ACSF3: variants seen among roughly 807,000 people sequenced by gnomAD.
ACSF3 encodes malonate--CoA ligase ACSF3, mitochondrial.
A neutral mutation model predicts 53.2 loss-of-function variants in ACSF3; 78 were observed. The observed-to-expected ratio is 1.47, with a 90% CI of 1.22 to 1.77. The LOEUF is 1.77. Ranked by LOEUF, ACSF3 falls within the 40% of genes most tolerant of loss-of-function variation. The probability of loss-of-function intolerance (pLI) is 0.00; values close to 1 mark genes in which losing one functional copy is unlikely to be tolerated. For synonymous variants in ACSF3, 414 were observed against 333.1 expected (o/e 1.24, Z -2.65); for missense variants, 937 against 771.1 (o/e 1.22, Z -2.55).
At chr16:89,110,471 T>G (rs1435471965) in intron 4 of ACSF3, among the ~76,000 whole-genome samples, 1 of 152,240 alleles carries the variant, frequency 6.6e-6, no homozygotes, top group Non-Finnish European at 1.5e-5. Flanking sequence ...CAGATATCTG[T>G]GCATTCGTTT....
intron 7 of ACSF3, among the ~76,000 whole-genome samples, chr16:89,132,017 G>A (rs1450034908): frequency 6.6e-6 from 1 of 152,212 alleles, no homozygotes; most frequent in East Asian, 1.9e-4. Flanking sequence ...CCCGTGGGTG[G>A]CGTCAGCCCC....
Position 89,155,861 on chromosome 16 carries a change from C to A in ACSF3, c.*1654C>A. 1 of 428,126 alleles carries A rather than the reference C, an allele frequency of 2.3e-6. No homozygotes were observed. The highest frequency in any genetic ancestry group is 7.1e-5 in the East Asian group (1 of 14,184). The allele number at this position is 428,126 out of a possible 1,614,324, so 26.5% of individuals were successfully genotyped here. On this transcript the variant is annotated 3_prime_UTR_variant, in exon 11 of 11. Transcript: ENST00000614302. ...TATCCGATAGTATACATCAGTATAT[C>A]ATGCTTTCGAAATAATGAGTGTAAC...
intron 5 of ACSF3, chr16:89,113,970 G>C: frequency 2.8e-6 from 1 of 359,478 alleles, no homozygotes; most frequent in Non-Finnish European, 5.5e-6. Context: ...CCCGTGATCA[G>C]CTCCGTGGTC....
intron 7 of ACSF3, among the ~76,000 whole-genome samples, chr16:89,131,723 C>T (rs897202839): frequency 2.6e-5 from 4 of 152,384 alleles, no homozygotes; most frequent in African/African-American, 2.4e-5. Flanking sequence ...GCTGTCTCTA[C>T]ATGTCCCACA....
At chr16:89,124,752 C>T (rs1037357915) in intron 7 of ACSF3, among the ~76,000 whole-genome samples, 1 of 151,538 alleles carries the variant, frequency 6.6e-6, no homozygotes, top group Non-Finnish European at 1.5e-5. Flanking sequence ...CTGTGTGCAA[C>T]ACTGCATGTG....
At position 89,146,061 on chromosome 16, in the gene ACSF3, T is replaced by TGGGGTGGGGGGGGGG; in HGVS notation, c.1613+16_1613+17insTGGGGGGGGGGGGGG. On this transcript the variant is annotated intron_variant, in intron 10 of 10. Transcript: ENST00000614302. ...AAAGAGTGGGCCAGGTAGGGCTGGG[T>TGGGGTGGGGGGGGGG]GGGGCGGGCAGGGAGCACTCATGGG... 2.8e-6 allele frequency: 1 copy of TGGGGTGGGGGGGGGG among 356,162 alleles called. No homozygotes were observed. Among genetic ancestry groups the TGGGGTGGGGGGGGGG allele is most frequent in the Non-Finnish European group, 5.8e-6 (1 of 173,422 alleles). 22.1% of individuals were successfully genotyped at this position (356,162 alleles called of 1,614,324 possible).
chr16:89,129,391 T>C (rs1457302457), intron 7 of ACSF3, among the ~76,000 whole-genome samples: 1 of 152,224 alleles, frequency 6.6e-6, no homozygotes, highest in Non-Finnish European at 1.5e-5. Context: ...GCTCTGGTAA[T>C]GCTCTTTGCT....
intron 6 of ACSF3, chr16:89,115,179 G>A (rs189294497): frequency 4.9e-5 from 8 of 162,546 alleles, no homozygotes; most frequent in African/African-American, 1.2e-4. Context: ...AGACCATCCC[G>A]CACATCTGTC....
intron 8 of ACSF3, among the ~76,000 whole-genome samples, chr16:89,139,730 G>C (rs938646403): frequency 6.6e-6 from 1 of 151,686 alleles, no homozygotes; most frequent in East Asian, 1.9e-4. Context: ...GAGTAGCTGG[G>C]ATTACAGGCG....
intron 7 of ACSF3, among the ~76,000 whole-genome samples, chr16:89,127,248 T>C: frequency 2.0e-5 from 3 of 152,252 alleles, no homozygotes; most frequent in Middle Eastern, 6.8e-3. Context: ...TGGGAAGTGT[T>C]CTCTCCTCTT....
chr16:89,107,657 T>A (rs1268220375), intron 4 of ACSF3, among the ~76,000 whole-genome samples: 2 of 152,264 alleles, frequency 1.3e-5, no homozygotes, highest in Non-Finnish European at 2.9e-5. Flanking sequence ...TTTGTGGCTA[T>A]TAGAAGTCAC....
At chr16:89,117,847 T>C (rs1658680260) in intron 6 of ACSF3, among the ~76,000 whole-genome samples, 1 of 151,384 alleles carries the variant, frequency 6.6e-6, no homozygotes, top group South Asian at 2.1e-4. Context: ...TTCAGGGTTA[T>C]TGGGCAAGAA....
intron 4 of ACSF3, among the ~76,000 whole-genome samples, chr16:89,108,317 A>G (rs997663548): frequency 6.6e-6 from 1 of 152,198 alleles, no homozygotes; most frequent in Non-Finnish European, 1.5e-5. Flanking sequence ...TCCGCGAAGC[A>G]CTGTGCTTCC....
intron 10 of ACSF3, 91 bp from the exon 11 acceptor site, chr16:89,153,996 TCCC>T: frequency 7.6e-7 from 1 of 1,321,596 alleles, no homozygotes; most frequent in Non-Finnish European, 1.1e-6. Context: ...GGCTGCAGGG[TCCC>T]AGGGGCACCT....
chr16:89,141,972 G>C (rs1193462193), intron 8 of ACSF3, among the ~76,000 whole-genome samples: 1 of 152,224 alleles, frequency 6.6e-6, no homozygotes, highest in African/African-American at 2.4e-5. Flanking sequence ...TTCGCCCAGT[G>C]CTGCTGGGGG....
chr16:89,148,996 A>C (rs8048651), intron 10 of ACSF3: 1 of 152,044 alleles, frequency 6.6e-6, no homozygotes, highest in Non-Finnish European at 1.5e-5. Flanking sequence ...GTTTTCTACC[A>C]TGTGATCAGG....
In ACSF3 at chr16:89,114,375, A is replaced by G; in HGVS notation, c.1014A>G (p.Pro338=). 1.9e-6 allele frequency: 3 copies of G among 1,614,010 alleles called. No homozygotes were observed. Among genetic ancestry groups the G allele is most frequent in the East Asian group, 2.2e-5 (1 of 44,874 alleles). Reference sequence around the variant, plus strand: ...CAGGCTCAGCTGCCCTGCCCCTCCCAGTGCTGGAGAAGTGGAAGAACATCA... The same window carrying G: ...CAGGCTCAGCTGCCCTGCCCCTCCCGGTGCTGGAGAAGTGGAAGAACATCA... The part of the protein sequence containing the change: ...MVSGSAALPL[P]VLEKWKNITG... Residue 338 remains proline (P), a synonymous_variant, in exon 6 of 11, where the codon CCA becomes CCG. Transcript: ENST00000614302.
intron 6 of ACSF3, chr16:89,114,869 C>T (rs1394070289): frequency 1.1e-5 from 4 of 350,308 alleles, no homozygotes; most frequent in Admixed American, 3.8e-5. Flanking sequence ...GTCTGGAGTC[C>T]GGGTGCCACA....
At chr16:89,118,745 G>T (rs929737513) in intron 6 of ACSF3, among the ~76,000 whole-genome samples, 5 of 152,204 alleles carry the variant, frequency 3.3e-5, no homozygotes, top group African/African-American at 1.2e-4. Context: ...GGCATTGACA[G>T]GGAGCTCCAG....
Sources: gnomAD v4.1 joint callset for allele counts (sites outside exome capture counted in the v4.1 genomes callset) on GRCh38, gnomAD v4.1.1 for gene constraint, MANE v1.5 for transcripts, NCBI Gene and HGNC (gene_info 2026-07-23, HGNC 2026-07-21) for gene names.